Variants in ACO2 observed in about 807,000 individuals in gnomAD.
ACO2 encodes aconitase 2.
A neutral mutation model predicts 84.5 loss-of-function variants in ACO2; 31 were observed. The ratio of observed to expected loss-of-function variants is 0.37; its 90% confidence interval spans 0.28 to 0.50. The LOEUF is 0.50. ACO2 is among the 20% of genes least tolerant of loss of function. The pLI is 0.97. For missense variants in ACO2, 685 were observed against 1,029.3 expected (o/e 0.67, Z 4.58); for synonymous variants, 414 against 412.7 (o/e 1.00, Z -0.04).
intron 8 of ACO2, among the ~76,000 whole-genome samples, chr22:41,518,788 A>T (rs1651730115): frequency 6.6e-6 from 1 of 151,590 alleles, no homozygotes; most frequent in African/African-American, 2.4e-5. Flanking sequence ...AAAAAAAAAA[A>T]TACAAAAATT....
At chr22:41,473,939 T>G (rs2037976288) in intron 1 of ACO2, among the ~76,000 whole-genome samples, 1 of 152,070 alleles carries the variant, frequency 6.6e-6, no homozygotes, top group Non-Finnish European at 1.5e-5. Flanking sequence ...TCAGGCAGGC[T>G]TCGGTAAGGA....
intron 8 of ACO2, among the ~76,000 whole-genome samples, chr22:41,519,898 G>C (rs1031590269): frequency 6.6e-6 from 1 of 152,060 alleles, no homozygotes; most frequent in African/African-American, 2.4e-5. Flanking sequence ...TGCCTCTGCT[G>C]TCTCCTAGCT....
intron 3 of ACO2, among the ~76,000 whole-genome samples, 166 bp downstream of exon 3, chr22:41,508,215 C>T (rs866343162): frequency 2.6e-5 from 4 of 152,238 alleles, no homozygotes; most frequent in Non-Finnish European, 5.9e-5. Context: ...AAAAATAGCA[C>T]TTGCTCATTA....
At chr22:41,479,400 A>G (rs1056654360) in intron 1 of ACO2, among the ~76,000 whole-genome samples, 2 of 152,232 alleles carry the variant, frequency 1.3e-5, no homozygotes, top group Admixed American at 6.5e-5. Flanking sequence ...AGTACATATG[A>G]GTAGCCTGTT....
intron 8 of ACO2, among the ~76,000 whole-genome samples, chr22:41,519,807 CAAAA>C (rs11426442): frequency 7.4e-6 from 1 of 134,912 alleles, no homozygotes; most frequent in Non-Finnish European, 1.7e-5. Flanking sequence ...GACTCCATCT[CAAAA>C]AAAAAAAAAA....
In ACO2 at chr22:41,525,243, C is replaced by T. The variant is rs199983710; in HGVS notation, c.1656C>T (p.Ser552=). 2.8e-4 allele frequency: 459 copies of T among 1,614,062 alleles called. 4 individuals carry two copies. The highest frequency in any genetic ancestry group is 1.2e-4 in the Non-Finnish European group (137 of 1,179,990). The change falls in exon 14 of 18, where the codon AGC becomes AGT. Residue 552 remains serine, a synonymous_variant. Transcript: ENST00000216254. ...ACCAGCACCCACCCAAGGACAGCAGCGGGCAGCATGTGGACGTGAGCCCCA... is the reference window on the plus strand; with the variant it reads ...ACCAGCACCCACCCAAGGACAGCAGTGGGCAGCATGTGGACGTGAGCCCCA... The part of the protein sequence containing the change: ...DTYQHPPKDS[S]GQHVDVSPTS...
At chr22:41,512,031 T>TA in intron 4 of ACO2, 63 bp downstream of exon 4, 1 of 1,362,476 alleles carries the variant, frequency 7.3e-7, no homozygotes, top group Non-Finnish European at 1.0e-6. Context: ...TCCAGGCCTA[T>TA]GGGGGGAGGG....
intron 1 of ACO2, among the ~76,000 whole-genome samples, chr22:41,473,796 A>G (rs1457398484): frequency 3.9e-5 from 6 of 152,030 alleles, no homozygotes; most frequent in African/African-American, 1.4e-4. Context: ...TTTGGAGGAG[A>G]CTTCAAATAG....
At chr22:41,469,307 T>C in intron 1 of ACO2, 125 bp downstream of exon 1, 1 of 1,213,852 alleles carries the variant, frequency 8.2e-7, no homozygotes. Context: ...CCTGTCCCGG[T>C]TGTGGGCCCG....
intron 3 of ACO2, among the ~76,000 whole-genome samples, chr22:41,510,960 G>A (rs563786038): frequency 1.6e-4 from 25 of 152,256 alleles, no homozygotes; most frequent in East Asian, 7.7e-4. Flanking sequence ...CTCAGGTGTC[G>A]TCTAAGCCTG....
At chr22:41,478,958 C>A (rs2038054754) in intron 1 of ACO2, among the ~76,000 whole-genome samples, 1 of 151,978 alleles carries the variant, frequency 6.6e-6, no homozygotes, top group Non-Finnish European at 1.5e-5. Flanking sequence ...TGCCACACTT[C>A]TTTAGTTCCT....
chr22:41,491,312 T>G (rs534268279), intron 1 of ACO2, among the ~76,000 whole-genome samples: 2 of 152,124 alleles, frequency 1.3e-5, no homozygotes, highest in African/African-American at 4.8e-5. Context: ...CAGGGGCCCA[T>G]GAGCAGAAGG....
At chr22:41,480,916 A>C (rs918998757) in intron 1 of ACO2, among the ~76,000 whole-genome samples, 2 of 152,120 alleles carry the variant, frequency 1.3e-5, no homozygotes, top group Non-Finnish European at 2.9e-5. Flanking sequence ...CCTGGGCTCA[A>C]GCAATTCTCC....
At chr22:41,512,281 T>TA (rs1249808618) in intron 4 of ACO2, 5 of 288,006 alleles carry the variant, frequency 1.7e-5, no homozygotes, top group Admixed American at 5.3e-5. Flanking sequence ...TAAACTCTCA[T>TA]ACAGAACATG....
intron 14 of ACO2, 22 bp from the exon 15 acceptor site, chr22:41,526,233 ACCTCTGT>A (rs1183425800): frequency 6.3e-7 from 1 of 1,596,788 alleles, no homozygotes; most frequent in Admixed American, 1.7e-5. Context: ...CCATGCCCTG[ACCTCTGT>A]CCTCTCTACT....
Position 41,526,249 on chromosome 22 carries a change from C to A in ACO2, c.1762-13C>A. 1.2e-6 allele frequency: 2 copies of A among 1,609,870 alleles called. No individual in the cohort carries two copies. Among genetic ancestry groups the A allele is most frequent in the Non-Finnish European group, 1.7e-6 (2 of 1,178,336 alleles). On this transcript the variant is annotated splice_polypyrimidine_tract_variant and intron_variant, in intron 14 of 17. Coordinates refer to ENST00000216254, the MANE Select transcript of ACO2 (RefSeq NM_001098.3). ...CATGCCCTGACCTCTGTCCTCTCTACTTACCACCCAAGGTCAAAGGGAAGT... is the reference window on the plus strand; with the variant it reads ...CATGCCCTGACCTCTGTCCTCTCTAATTACCACCCAAGGTCAAAGGGAAGT...
In ACO2 at chr22:41,515,286, G is replaced by A; in HGVS notation, c.526-91G>A. 5.5e-6 allele frequency: 8 copies of A among 1,466,630 alleles called. No individual in the cohort carries two copies. The highest frequency in any genetic ancestry group is 7.6e-6 in the Non-Finnish European group (8 of 1,051,000). 90.9% of individuals were successfully genotyped at this position (1,466,630 alleles called of 1,614,324 possible). A position where few individuals can be genotyped will look rare whatever the true frequency, so the allele number is the denominator to read the frequency against. On this transcript the variant is annotated intron_variant, in intron 4 of 17. Coordinates refer to ENST00000216254, the MANE Select transcript of ACO2 (RefSeq NM_001098.3). The surrounding 1 kb of genome is among the most constrained non-coding windows in gnomAD (Gnocchi z 5.8). The stretch of plus-strand genomic sequence containing the variant: ...CAGTTCCATCCTGGGAGAGTGGCTG[G>A]ACGTGGTTGGGAGGCCCCGGGTCAG...
At chr22:41,519,026 C>T (rs909777153) in intron 8 of ACO2, among the ~76,000 whole-genome samples, 7 of 152,144 alleles carry the variant, frequency 4.6e-5, no homozygotes, top group Non-Finnish European at 8.8e-5. Context: ...CTGAAGCAGC[C>T]TGGAGCAGTG....
chr22:41,512,901 C>T (rs562361009), intron 4 of ACO2, among the ~76,000 whole-genome samples: 1 of 152,274 alleles, frequency 6.6e-6, no homozygotes, highest in East Asian at 1.9e-4. Flanking sequence ...CTCTTCGCAC[C>T]TTTGCAAGGT....
Sources: allele counts gnomAD v4.1 joint callset (sites outside exome capture counted in the v4.1 genomes callset), GRCh38; gene constraint gnomAD v4.1.1; non-coding constraint Gnocchi (gnomAD v3.1); transcripts MANE v1.5; gene names NCBI Gene and HGNC (gene_info 2026-07-23, HGNC 2026-07-21).